The following CNTN6 variants were observed in gnomAD, a reference collection of about 807,000 sequenced individuals.
The protein encoded by CNTN6 is contactin-6.
In CNTN6, 137 loss-of-function variants were observed where a neutral mutation model predicts 122.8. That is an observed-to-expected ratio of 1.12 (90% CI 0.97 to 1.29). CNTN6 has a LOEUF of 1.29. Among genes scored for constraint, CNTN6 ranks in the 50% most tolerant of loss-of-function variants. The pLI is 0.00. For missense variants in CNTN6, 1,634 were observed against 1,223.4 expected, an observed-to-expected ratio of 1.34 and a Z score of -5.01; for synonymous variants, 570 against 426.0, an observed-to-expected ratio of 1.34 and a Z score of -4.16.
chr3:1,158,922 A>C (rs1248250663), intron 2 of CNTN6, among the ~76,000 whole-genome samples: 1 of 110,394 alleles, frequency 9.1e-6, no homozygotes, highest in African/African-American at 4.2e-5. Flanking sequence ...ACACACACAT[A>C]TATATATATA....
intron 7 of CNTN6, among the ~76,000 whole-genome samples, chr3:1,311,826 T>C (rs1315651188): frequency 6.6e-6 from 1 of 151,968 alleles, no homozygotes; most frequent in African/African-American, 2.4e-5. Flanking sequence ...TGAACATATA[T>C]GCAAGTCATT....
intron 4 of CNTN6, among the ~76,000 whole-genome samples, chr3:1,260,592 T>C (rs188137429): frequency 1.3e-5 from 2 of 152,194 alleles, no homozygotes; most frequent in East Asian, 3.9e-4. Flanking sequence ...CATTATGATA[T>C]GGTTTGGCTG....
At chr3:1,243,769 A>G (rs2094520969) in intron 4 of CNTN6, among the ~76,000 whole-genome samples, 1 of 152,146 alleles carries the variant, frequency 6.6e-6, no homozygotes, top group Admixed American at 6.5e-5. Context: ...TGTAAGCCAG[A>G]CCGGGTGTGA....
chr3:1,196,009 A>G (rs2093772236), intron 2 of CNTN6, among the ~76,000 whole-genome samples: 1 of 152,208 alleles, frequency 6.6e-6, no homozygotes, highest in Non-Finnish European at 1.5e-5. Flanking sequence ...TTTGTCATAA[A>G]GCAAAAAGAG....
intron 6 of CNTN6, among the ~76,000 whole-genome samples, chr3:1,296,161 A>C (rs981831213): frequency 1.3e-5 from 2 of 152,114 alleles, no homozygotes; most frequent in African/African-American, 4.8e-5. Context: ...TATATTTTTA[A>C]TGAACATATG....
At chr3:1,258,503 G>A (rs557231454) in intron 4 of CNTN6, among the ~76,000 whole-genome samples, 1 of 152,072 alleles carries the variant, frequency 6.6e-6, no homozygotes, top group Non-Finnish European at 1.5e-5. Context: ...GAGTCACAAA[G>A]CTTGAGTGTG....
In CNTN6 at chr3:1,331,625, A is replaced by G. The variant is rs144947730; in HGVS notation, c.1364+1690A>G. ...GAATACACTGCTGTGGAACAGAAAA[A>G]CATAAGAGATCCTGCAGTATCAAAC... On this transcript the variant is annotated intron_variant, in intron 11 of 22. Transcript: ENST00000446702. Among the ~76,000 whole-genome samples the G allele has an allele frequency of 1.5e-3, 229 of 152,036 alleles. 1 individual carries two copies. Among genetic ancestry groups the G allele is most frequent in the African/African-American group, 5.2e-3 (216 of 41,528 alleles).
intron 4 of CNTN6, among the ~76,000 whole-genome samples, chr3:1,231,722 A>T (rs917234361): frequency 3.9e-5 from 6 of 152,250 alleles, no homozygotes; most frequent in Non-Finnish European, 8.8e-5. Flanking sequence ...ATTTGATTAC[A>T]AAAGTCTCTT....
chr3:1,365,626 C>T (rs1430632313), intron 12 of CNTN6, among the ~76,000 whole-genome samples: 1 of 151,956 alleles, frequency 6.6e-6, no homozygotes, highest in Admixed American at 6.6e-5. Flanking sequence ...ATTCCATACT[C>T]TACCAAATGT....
intron 2 of CNTN6, among the ~76,000 whole-genome samples, chr3:1,161,512 A>T (rs2093131751): frequency 6.6e-6 from 1 of 151,652 alleles, no homozygotes; most frequent in Non-Finnish European, 1.5e-5. Flanking sequence ...TGCATTAGTA[A>T]ATTTGATAAT....
intron 1 of CNTN6, among the ~76,000 whole-genome samples, chr3:1,123,699 T>C (rs1483308229): frequency 1.3e-5 from 2 of 151,948 alleles, no homozygotes; most frequent in Non-Finnish European, 2.9e-5. Context: ...CTACTTGCTC[T>C]GGTTAGAACT....
chr3:1,397,180 C>A lies in CNTN6; in HGVS notation c.2705-4253C>A, dbSNP rs570429112. Among the ~76,000 whole-genome samples, 4 of 152,002 alleles carry A rather than the reference C, an allele frequency of 2.6e-5. No homozygotes were observed. In the South Asian group the frequency reaches 8.3e-4, roughly 31 times the overall value. On this transcript the variant is annotated intron_variant, in intron 20 of 22. Coordinates refer to ENST00000446702, the MANE Select transcript of CNTN6 (RefSeq NM_001289080.2). ...TTAAACCAAGCAAGATCTTTGCCAACCGGCAATTTCTCTTTTAGAGAAGAG... is the reference window on the plus strand; with the variant it reads ...TTAAACCAAGCAAGATCTTTGCCAAACGGCAATTTCTCTTTTAGAGAAGAG...
chr3:1,306,260 C>G (rs1006954194), intron 7 of CNTN6, among the ~76,000 whole-genome samples: 2 of 152,122 alleles, frequency 1.3e-5, no homozygotes, highest in Non-Finnish European at 2.9e-5. Context: ...TAGATTCTTG[C>G]TAATGGCTTT....
intron 20 of CNTN6, among the ~76,000 whole-genome samples, chr3:1,386,840 G>C (rs1400915830): frequency 2.6e-5 from 4 of 151,952 alleles, no homozygotes; most frequent in African/African-American, 9.7e-5. Context: ...CACCATATTT[G>C]GAAAGAAGAG....
At chr3:1,266,394 C>G (rs1419114409) in intron 4 of CNTN6, among the ~76,000 whole-genome samples, 2 of 152,102 alleles carry the variant, frequency 1.3e-5, no homozygotes, top group African/African-American at 4.8e-5. Context: ...CTCCCGAATT[C>G]CAGTTGTGGA....
chr3:1,376,913 G>T (rs1709947079), intron 16 of CNTN6, 92 bp from the exon 17 acceptor site: 2 of 835,198 alleles, frequency 2.4e-6, no homozygotes, highest in African/African-American at 1.7e-5. Flanking sequence ...GCCTGTGTGA[G>T]ATTTTGAAAA....
intron 11 of CNTN6, among the ~76,000 whole-genome samples, chr3:1,336,934 G>C (rs982421689): frequency 1.3e-5 from 2 of 152,100 alleles, no homozygotes; most frequent in Non-Finnish European, 2.9e-5. Context: ...CAAAGTAAGA[G>C]AGAAGGAAAT....
intron 3 of CNTN6, among the ~76,000 whole-genome samples, 184 bp downstream of exon 3, chr3:1,220,997 G>C (rs9832892): frequency 0.29 from 43,428 of 152,046 alleles, 6,587 homozygotes; most frequent in Middle Eastern, 0.36. Context: ...GTACCCCAGG[G>C]TATTCCCTCA....
intron 12 of CNTN6, among the ~76,000 whole-genome samples, chr3:1,357,372 T>G (rs13067474): frequency 0.46 from 69,604 of 151,608 alleles, 18,303 homozygotes; most frequent in African/African-American, 0.71. Flanking sequence ...ACTTAGTTTT[T>G]ATGGTTATTC....
Sources: gnomAD v4.1 joint callset for allele counts (sites outside exome capture counted in the v4.1 genomes callset) on GRCh38, gnomAD v4.1.1 for gene constraint, MANE v1.5 for transcripts, NCBI Gene and HGNC (gene_info 2026-07-23, HGNC 2026-07-21) for gene names.